The following CRPPA variants were observed in gnomAD, a reference collection of about 807,000 sequenced individuals.
CRPPA encodes the protein CDP-L-ribitol pyrophosphorylase A.
A neutral mutation model predicts 52.0 loss-of-function variants in CRPPA; 43 were observed. The ratio of observed to expected loss-of-function variants is 0.83; its 90% CI spans 0.65 to 1.07. The LOEUF (loss-of-function observed/expected upper bound fraction) is 1.07, where lower values mean the gene tolerates loss of function less well. CRPPA is among the 50% of genes least tolerant of loss of function. CRPPA has a pLI of 0.00. For missense variants in CRPPA, 629 were observed against 551.7 expected (o/e 1.14, Z -1.40); for synonymous variants, 250 against 203.5 (o/e 1.23, Z -1.94).
At chr7:16,198,740 A>T (rs6946244) in intron 9 of CRPPA, among the ~76,000 whole-genome samples, 5,531 of 149,948 alleles carry the variant, frequency 0.037, 400 homozygotes, top group African/African-American at 0.13. Flanking sequence ...TTTTTTTAAG[A>T]AACGGTTTCA....
At chr7:16,112,429 C>T (rs568212465) in intron 9 of CRPPA, among the ~76,000 whole-genome samples, 3 of 151,854 alleles carry the variant, frequency 2.0e-5, no homozygotes, top group Admixed American at 1.3e-4. Context: ...GGGTGCCTTA[C>T]AAAATTAATA....
chr7:16,247,917 T>G (rs1353389611), intron 8 of CRPPA: 1 of 152,046 alleles, frequency 6.6e-6, no homozygotes. Flanking sequence ...GCCAGACAAT[T>G]CTGCCATTCA....
At position 16,354,316 on chromosome 7, in the gene CRPPA, C is replaced by T. The variant is rs79735540; in HGVS notation, c.684+21776G>A. The stretch of plus-strand genomic sequence containing the variant: ...AGCTCACTTTTATCACGTTATTCTG[C>T]TTTGTATTAGCACCAGAACATGATA... On this transcript the variant is annotated intron_variant, in intron 3 of 9. Coordinates refer to ENST00000407010, the MANE Select transcript of CRPPA (RefSeq NM_001101426.4). Among the ~76,000 whole-genome samples the T allele has an allele frequency of 1.9e-4, 29 of 152,204 alleles. No individual in the cohort carries two copies. In the East Asian group the frequency reaches 5.6e-3, roughly 29 times the overall value.
chr7:16,420,452 CTCCT>C (rs1192854496), intron 1 of CRPPA, among the ~76,000 whole-genome samples: 2 of 152,174 alleles, frequency 1.3e-5, no homozygotes, highest in Non-Finnish European at 2.9e-5. Flanking sequence ...CATTCCCTGT[CTCCT>C]TCATTTCCCC....
chr7:16,233,984 T>C lies in CRPPA; in HGVS notation c.1120-17787A>G, dbSNP rs186649794. Among the ~76,000 whole-genome samples, 55 of 152,242 alleles carry C rather than the reference T, an allele frequency of 3.6e-4. No individual in the cohort carries two copies. In the East Asian group the frequency reaches 9.8e-3, roughly 27 times the overall value. ...AAAAATGCTTCTGTACCTGTTAATA[T>C]TATCAGTATTTAATAGGGCAGCCAG... On this transcript the variant is annotated intron_variant, in intron 8 of 9. Transcript: ENST00000407010.
At chr7:16,171,153 G>C (rs948835235) in intron 9 of CRPPA, among the ~76,000 whole-genome samples, 1 of 152,210 alleles carries the variant, frequency 6.6e-6, no homozygotes, top group Non-Finnish European at 1.5e-5. Flanking sequence ...AATTATTAAA[G>C]GATAGATTTT....
At chr7:16,255,688 G>T (rs149758624) in intron 8 of CRPPA, among the ~76,000 whole-genome samples, 16,363 of 152,074 alleles carry the variant, frequency 0.11, 981 homozygotes, top group Non-Finnish European at 0.15. Flanking sequence ...AACAAGCAAC[G>T]AGGAAAGGAT....
intron 2 of CRPPA, among the ~76,000 whole-genome samples, chr7:16,388,021 C>A (rs148115260): frequency 2.0e-5 from 3 of 152,092 alleles, no homozygotes; most frequent in South Asian, 4.2e-4. Context: ...CTTGCTCTGT[C>A]CCCCCAGGCT....
intron 9 of CRPPA, among the ~76,000 whole-genome samples, chr7:16,182,891 A>G (rs2128388114): frequency 6.6e-6 from 1 of 152,324 alleles, no homozygotes; most frequent in East Asian, 1.9e-4. Flanking sequence ...GAAGTAACAA[A>G]AATGCAATTA....
intron 8 of CRPPA, among the ~76,000 whole-genome samples, chr7:16,237,614 A>G (rs1782987456): frequency 6.6e-6 from 1 of 152,132 alleles, no homozygotes; most frequent in South Asian, 2.1e-4. Flanking sequence ...TTCTTGTACT[A>G]TTGTACTGCA....
At chr7:16,273,839 T>G (rs1784145429) in intron 6 of CRPPA, among the ~76,000 whole-genome samples, 1 of 152,156 alleles carries the variant, frequency 6.6e-6, no homozygotes, top group Non-Finnish European at 1.5e-5. Flanking sequence ...TGCATGAAGT[T>G]CTATTCCTGC....
rs1784249694 is a variant in CRPPA at position 16,278,216 on chromosome 7, G to T, written c.846C>A (p.Ser282=). The T allele has an allele frequency of 6.5e-7, 1 of 1,540,694 alleles. No homozygotes were observed. Among genetic ancestry groups the T allele is most frequent in the Non-Finnish European group, 8.8e-7 (1 of 1,133,140 alleles). The change falls in exon 6 of 10, where the codon TCC becomes TCA. Residue 282 remains serine (S), a synonymous_variant. Coordinates refer to ENST00000407010, the MANE Select transcript of CRPPA (RefSeq NM_001101426.4). ...TATCCATAACTACACAAATCTCTTGGGAAATTCTCTCTGAAATTAAAAAAA... is the reference window on the plus strand; with the variant it reads ...TATCCATAACTACACAAATCTCTTGTGAAATTCTCTCTGAAATTAAAAAAA... ...AAESIIKERI[S]QEICVVMDTE...
At chr7:16,098,118 G>A (rs1781970608) in intron 9 of CRPPA, among the ~76,000 whole-genome samples, 1 of 152,122 alleles carries the variant, frequency 6.6e-6, no homozygotes, top group African/African-American at 2.4e-5. Context: ...CAAACTTATA[G>A]TAGGCTGTTA....
At chr7:16,231,857 C>A (rs1188668277) in intron 8 of CRPPA, among the ~76,000 whole-genome samples, 1 of 152,100 alleles carries the variant, frequency 6.6e-6, no homozygotes, top group Non-Finnish European at 1.5e-5. Flanking sequence ...AAGAAATAAT[C>A]CCTAAGAGAC....
chr7:16,106,367 A>T (rs1214699734), intron 9 of CRPPA, among the ~76,000 whole-genome samples: 1 of 152,184 alleles, frequency 6.6e-6, no homozygotes, highest in Non-Finnish European at 1.5e-5. Context: ...AGCCTTGCCC[A>T]GCTATAGATC....
At chr7:16,335,933 C>T (rs1785668595) in intron 3 of CRPPA, among the ~76,000 whole-genome samples, 1 of 152,052 alleles carries the variant, frequency 6.6e-6, no homozygotes, top group Admixed American at 6.5e-5. Flanking sequence ...TAACAGAAAC[C>T]CCTCAGGCCA....
intron 3 of CRPPA, among the ~76,000 whole-genome samples, chr7:16,368,041 T>C (rs1421552981): frequency 6.6e-6 from 1 of 152,182 alleles, no homozygotes; most frequent in Non-Finnish European, 1.5e-5. Flanking sequence ...AAAAACCTTG[T>C]GTTAGAATCA....
chr7:16,215,437 G>A lies in CRPPA; in HGVS notation c.1251+629C>T, dbSNP rs6976895. 1.8e-3 allele frequency among the ~76,000 whole-genome samples: 273 copies of A among 152,264 alleles called. 2 individuals are homozygous for A. The highest frequency in any genetic ancestry group is 6.3e-3 in the African/African-American group (263 of 41,536). On this transcript the variant is annotated intron_variant, in intron 9 of 9. Transcript: ENST00000407010. ...TTTAAATAGCATTTCTCTGCACAAA[G>A]AATCTGTAATGGTAGCTCATTGTGC...
At chr7:16,249,678 C>G (rs1037706039) in intron 8 of CRPPA, among the ~76,000 whole-genome samples, 3 of 152,166 alleles carry the variant, frequency 2.0e-5, no homozygotes, top group African/African-American at 7.2e-5. Flanking sequence ...GAAAGGATAG[C>G]ATCAACATCA....
Sources: allele counts gnomAD v4.1 joint callset (sites outside exome capture counted in the v4.1 genomes callset), GRCh38; gene constraint gnomAD v4.1.1; transcripts MANE v1.5; gene names NCBI Gene and HGNC (gene_info 2026-07-23, HGNC 2026-07-21).